PTPN22: variants seen among roughly 807,000 people sequenced by gnomAD.
The protein encoded by PTPN22 is protein tyrosine phosphatase non-receptor type 22.
PTPN22 carries 85 observed loss-of-function variants against 103.3 expected under a neutral mutation model. That is an observed-to-expected ratio of 0.82 (90% confidence interval 0.69 to 0.99). PTPN22 has a LOEUF of 0.99. Ranked by LOEUF, PTPN22 falls within the 50% of genes least tolerant of loss-of-function variation. PTPN22 has a pLI of 0.00. For missense variants in PTPN22, 865 were observed against 936.9 expected, an observed-to-expected ratio of 0.92 and a Z score of 1.00; for synonymous variants, 323 against 310.2, an observed-to-expected ratio of 1.04 and a Z score of -0.43.
At chr1:113,862,297 T>G (rs1444420957) in intron 1 of PTPN22, among the ~76,000 whole-genome samples, 1 of 151,352 alleles carries the variant, frequency 6.6e-6, no homozygotes, top group African/African-American at 2.4e-5. Context: ...AAAATAAAAA[T>G]AAAAATAAAA....
At chr1:113,854,607 G>A in intron 8 of PTPN22, 70 bp from the exon 9 acceptor site, 2 of 1,451,886 alleles carry the variant, frequency 1.4e-6, no homozygotes, top group Non-Finnish European at 1.9e-6. Flanking sequence ...ACAGTAGCTG[G>A]AAAATTTCAC....
intron 7 of PTPN22, among the ~76,000 whole-genome samples, chr1:113,856,008 T>C (rs1242628779): frequency 6.6e-6 from 1 of 152,048 alleles, no homozygotes; most frequent in Non-Finnish European, 1.5e-5. Flanking sequence ...ATAACAATGG[T>C]CTCTTCTTTT....
At chr1:113,844,037 C>T (rs1663833751) in intron 11 of PTPN22, among the ~76,000 whole-genome samples, 2 of 151,994 alleles carry the variant, frequency 1.3e-5, no homozygotes, top group Non-Finnish European at 2.9e-5. Context: ...TCAAGACCAG[C>T]CTGGACAACA....
At chr1:113,840,103 C>T (rs1180477497) in intron 11 of PTPN22, among the ~76,000 whole-genome samples, 3 of 151,314 alleles carry the variant, frequency 2.0e-5, no homozygotes, top group South Asian at 4.2e-4. Context: ...CCCACCTATT[C>T]GGGAGGCTGA....
chr1:113,835,241 G>T (rs896673834), intron 13 of PTPN22, among the ~76,000 whole-genome samples: 7 of 152,154 alleles, frequency 4.6e-5, no homozygotes. Flanking sequence ...AAGTAGGGCT[G>T]GGCGCGGTGG....
intron 1 of PTPN22, among the ~76,000 whole-genome samples, chr1:113,866,149 G>C (rs1666099073): frequency 6.6e-6 from 1 of 152,226 alleles, no homozygotes; most frequent in African/African-American, 2.4e-5. Flanking sequence ...TTATATATGA[G>C]TGTTTAGAAC....
At chr1:113,814,880 ATAT>A (rs1661036157) in exon 21 of PTPN22, 2 of 1,530,176 alleles carry the variant, frequency 1.3e-6, no homozygotes, top group Non-Finnish European at 1.8e-6. Context: ...CTTGCAGCCC[ATAT>A]TATTATAAAT....
intron 19 of PTPN22, among the ~76,000 whole-genome samples, chr1:113,822,617 G>A (rs987024001): frequency 1.3e-5 from 2 of 152,026 alleles, no homozygotes; most frequent in African/African-American, 4.8e-5. Context: ...TGGACCCTTT[G>A]GCTGGCTGGC....
At chr1:113,868,089 TG>T (rs1295667640) in intron 1 of PTPN22, among the ~76,000 whole-genome samples, 3 of 152,344 alleles carry the variant, frequency 2.0e-5, no homozygotes, top group African/African-American at 7.2e-5. Flanking sequence ...GTGTTATTTT[TG>T]GTATTTTTTT....
At chr1:113,849,588 TTA>T (rs796131973) in intron 10 of PTPN22, among the ~76,000 whole-genome samples, 41 of 85,148 alleles carry the variant, frequency 4.8e-4, no homozygotes, top group African/African-American at 2.1e-3. Flanking sequence ...ATTTATTTAT[TTA>T]TTTATTTTTT....
chr1:113,854,934 T>C (rs1194165915), exon 8 of PTPN22: 2 of 1,613,454 alleles, frequency 1.2e-6, no homozygotes, highest in African/African-American at 1.3e-5. Flanking sequence ...GGGAACACTG[T>C]CATCCTCTTG....
chr1:113,838,237 T>G, exon 13 of PTPN22: 1 of 1,614,138 alleles, frequency 6.2e-7, no homozygotes, highest in East Asian at 2.2e-5. Context: ...AGCATTTTTG[T>G]CAAAACTGTA....
exon 13 of PTPN22, chr1:113,838,267 AAAG>A: frequency 6.2e-7 from 1 of 1,614,094 alleles, no homozygotes. Context: ...CAGAAAGTCA[AAAG>A]AAGTGCTTGA....
At chr1:113,846,406 A>G (rs1053193673) in intron 11 of PTPN22, among the ~76,000 whole-genome samples, 1 of 152,010 alleles carries the variant, frequency 6.6e-6, no homozygotes, top group Non-Finnish European at 1.5e-5. Context: ...ACCTTCCTTT[A>G]TGTTTCTTAC....
chr1:113,822,016 T>TC (rs1464382394), intron 19 of PTPN22, among the ~76,000 whole-genome samples: 4 of 151,982 alleles, frequency 2.6e-5, no homozygotes, highest in Non-Finnish European at 4.4e-5. Context: ...CAATAAAGAG[T>TC]TATTTTTTTT....
exon 13 of PTPN22, chr1:113,838,211 A>G (rs529570413): frequency 1.2e-6 from 2 of 1,614,066 alleles, no homozygotes; most frequent in Admixed American, 1.7e-5. Context: ...TTTGTCTGCC[A>G]TTTCATGGTT....
chr1:113,851,679 T>TCACTA (rs1232335041), intron 10 of PTPN22, among the ~76,000 whole-genome samples: 2 of 152,246 alleles, frequency 1.3e-5, no homozygotes, highest in Non-Finnish European at 2.9e-5. Flanking sequence ...ATGAATTTTA[T>TCACTA]CACTACAAAA....
intron 1 of PTPN22, chr1:113,864,243 G>C (rs1001565477): frequency 4.4e-6 from 2 of 453,886 alleles, no homozygotes; most frequent in African/African-American, 4.0e-5. Flanking sequence ...AGCTTTCTCT[G>C]GCCAGGTGTG....
chr1:113,820,707 G>C (rs767177646), intron 19 of PTPN22, among the ~76,000 whole-genome samples: 12 of 152,084 alleles, frequency 7.9e-5, no homozygotes, highest in Non-Finnish European at 1.5e-4. Context: ...TTTCAGGTTT[G>C]TATAAACTTT....
Sources: gnomAD v4.1 joint callset for allele counts (sites outside exome capture counted in the v4.1 genomes callset) on GRCh38, gnomAD v4.1.1 for gene constraint, MANE v1.5 for transcripts, NCBI Gene and HGNC (gene_info 2026-07-23, HGNC 2026-07-21) for gene names.